WWOX: variants seen among roughly 807,000 people sequenced by gnomAD.
WWOX encodes WW domain-containing oxidoreductase.
WWOX carries 69 observed loss-of-function variants against 46.2 expected under a neutral mutation model. The ratio of observed to expected loss-of-function variants is 1.49; its 90% CI spans 1.23 to 1.82. The LOEUF (loss-of-function observed/expected upper bound fraction) is 1.82. WWOX is among the 40% of genes most tolerant of loss of function. WWOX has a pLI of 0.00. For missense variants in WWOX, 919 were observed against 542.6 expected (o/e 1.69, Z -6.89); for synonymous variants, 359 against 202.6 (o/e 1.77, Z -6.56).
intron 8 of WWOX, among the ~76,000 whole-genome samples, chr16:78,543,146 C>T (rs1219582918): frequency 3.3e-5 from 5 of 152,180 alleles, no homozygotes; most frequent in African/African-American, 7.2e-5. Flanking sequence ...CTGAGGGACC[C>T]GGACTTATAG....
intron 8 of WWOX, among the ~76,000 whole-genome samples, chr16:78,995,387 A>C (rs1268260002): frequency 6.6e-6 from 1 of 152,036 alleles, no homozygotes; most frequent in Non-Finnish European, 1.5e-5. Flanking sequence ...TTGGGGTAGG[A>C]CATGGAATGG....
intron 8 of WWOX, among the ~76,000 whole-genome samples, chr16:78,619,724 A>G (rs1187848208): frequency 6.6e-6 from 1 of 151,826 alleles, no homozygotes; most frequent in East Asian, 1.9e-4. Context: ...GGGCAACATC[A>G]TGAGACCCCA....
At chr16:79,062,829 T>G (rs374671898) in intron 8 of WWOX, among the ~76,000 whole-genome samples, 1 of 152,180 alleles carries the variant, frequency 6.6e-6, no homozygotes, top group African/African-American at 2.4e-5. Context: ...TGAGAGTATT[T>G]CCATTATAAA....
intron 8 of WWOX, among the ~76,000 whole-genome samples, chr16:78,839,640 C>G (rs755277065): frequency 9.9e-5 from 15 of 152,176 alleles, no homozygotes; most frequent in Non-Finnish European, 2.1e-4. Context: ...TCTCCAGGTT[C>G]TCACTGTTAT....
Position 78,854,607 on chromosome 16 carries a change from A to G in WWOX, c.1057-357001A>G, listed in dbSNP as rs969514608. 5.3e-5 allele frequency among the ~76,000 whole-genome samples: 8 copies of G among 152,208 alleles called. No homozygotes were observed. In the South Asian group the frequency reaches 8.3e-4, roughly 16 times the overall value. On this transcript the variant is annotated intron_variant, in intron 8 of 8. Transcript: ENST00000566780. ...GTTTCTTTTTTTTCTTTGAAGCAGC[A>G]TGTTGCTTTGTCACCCAGACTGGAG...
rs1490246441 is a variant in WWOX at position 78,343,707 on chromosome 16, A to G, written c.517-43153A>G. Among the ~76,000 whole-genome samples the G allele has an allele frequency of 1.6e-5, 2 of 121,386 alleles. 1 individual carries two copies. Among genetic ancestry groups the G allele is most frequent in the Non-Finnish European group, 3.9e-5 (2 of 50,704 alleles). 79.6% of individuals were successfully genotyped at this position (121,386 alleles called of 152,430 possible). A position where few individuals can be genotyped will look rare whatever the true frequency, so the allele number is the denominator to read the frequency against. On this transcript the variant is annotated intron_variant, in intron 5 of 8. Coordinates refer to ENST00000566780, the MANE Select transcript of WWOX (RefSeq NM_016373.4). ...TTTGTGTATGGATATGCACCCGGCTAGGGACCTCTTTAATGGTCATTCATT... is the reference window on the plus strand; with the variant it reads ...TTTGTGTATGGATATGCACCCGGCTGGGGACCTCTTTAATGGTCATTCATT...
intron 8 of WWOX, among the ~76,000 whole-genome samples, chr16:78,449,704 T>A (rs1487881509): frequency 6.6e-6 from 1 of 152,326 alleles, no homozygotes; most frequent in East Asian, 1.9e-4. Flanking sequence ...AGGTAAGATT[T>A]AGTCATTTAA....
intron 8 of WWOX, among the ~76,000 whole-genome samples, chr16:79,182,976 T>G (rs1234144398): frequency 6.6e-6 from 1 of 152,150 alleles, no homozygotes; most frequent in East Asian, 1.9e-4. Context: ...GGTAAAGACA[T>G]GTACTAGGCG....
At chr16:78,638,972 G>A (rs1299558210) in intron 8 of WWOX, among the ~76,000 whole-genome samples, 2 of 152,076 alleles carry the variant, frequency 1.3e-5, no homozygotes, top group East Asian at 3.9e-4. Flanking sequence ...TGGTAGTGGG[G>A]GCTTAATTTC....
chr16:79,051,288 G>A (rs944287575), intron 8 of WWOX, among the ~76,000 whole-genome samples: 1 of 152,164 alleles, frequency 6.6e-6, no homozygotes, highest in Non-Finnish European at 1.5e-5. Flanking sequence ...TCATGCGCAG[G>A]AGACCCTACT....
At chr16:78,623,495 C>T (rs1461159566) in intron 8 of WWOX, among the ~76,000 whole-genome samples, 2 of 152,112 alleles carry the variant, frequency 1.3e-5, no homozygotes, top group Non-Finnish European at 2.9e-5. Context: ...GCCTGGGCAA[C>T]ATGCTGAAAC....
intron 4 of WWOX, among the ~76,000 whole-genome samples, chr16:78,121,654 C>T (rs543239134): frequency 3.8e-4 from 57 of 151,104 alleles, no homozygotes; most frequent in African/African-American, 1.4e-3. Context: ...CCCCCTTATC[C>T]GTGGTGTTTC....
At chr16:78,783,469 C>A (rs1452723701) in intron 8 of WWOX, among the ~76,000 whole-genome samples, 1 of 152,152 alleles carries the variant, frequency 6.6e-6, no homozygotes, top group Non-Finnish European at 1.5e-5. Context: ...TAAGCTCTTT[C>A]TGCAAAGGGA....
At chr16:78,644,757 C>G (rs2046800750) in intron 8 of WWOX, among the ~76,000 whole-genome samples, 1 of 152,224 alleles carries the variant, frequency 6.6e-6, no homozygotes, top group African/African-American at 2.4e-5. Flanking sequence ...GCCACTGTGC[C>G]CAGCCAAACC....
chr16:79,118,386 C>T (rs921387991), intron 8 of WWOX, among the ~76,000 whole-genome samples: 1 of 152,156 alleles, frequency 6.6e-6, no homozygotes, highest in Non-Finnish European at 1.5e-5. Context: ...CATCAAAGAT[C>T]ACTGATCACA....
At chr16:78,650,471 C>T (rs1328585973) in intron 8 of WWOX, among the ~76,000 whole-genome samples, 2 of 152,196 alleles carry the variant, frequency 1.3e-5, no homozygotes, top group African/African-American at 2.4e-5. Flanking sequence ...TGACATCAGC[C>T]TGCCCATGCA....
chr16:78,726,828 G>T (rs768904104), intron 8 of WWOX, among the ~76,000 whole-genome samples: 1 of 152,084 alleles, frequency 6.6e-6, no homozygotes, highest in African/African-American at 2.4e-5. Flanking sequence ...GGAAATAGGA[G>T]GCTTTCAGTT....
chr16:78,182,346 C>G (rs1476093279), intron 5 of WWOX, among the ~76,000 whole-genome samples: 1 of 152,086 alleles, frequency 6.6e-6, no homozygotes, highest in Non-Finnish European at 1.5e-5. Context: ...TGTCTAGGCT[C>G]CTGTCTGGCC....
At chr16:78,720,139 C>G (rs1003581104) in intron 8 of WWOX, among the ~76,000 whole-genome samples, 1 of 152,124 alleles carries the variant, frequency 6.6e-6, no homozygotes, top group East Asian at 1.9e-4. Context: ...TGACAATATT[C>G]CTTCTTGCCC....
Sources: allele counts gnomAD v4.1 joint callset (sites outside exome capture counted in the v4.1 genomes callset), GRCh38; gene constraint gnomAD v4.1.1; transcripts MANE v1.5; gene names NCBI Gene and HGNC (gene_info 2026-07-23, HGNC 2026-07-21).